KRT73: variants seen among roughly 807,000 people sequenced by gnomAD.
KRT73 encodes keratin, type II cytoskeletal 73.
A neutral mutation model predicts 47.2 loss-of-function variants in KRT73; 44 were observed. The observed-to-expected ratio is 0.93, with a 90% CI of 0.73 to 1.20. The LOEUF (loss-of-function observed/expected upper bound fraction) is 1.20. KRT73 is among the 50% of genes most tolerant of loss of function. The pLI is 0.00. For synonymous variants in KRT73, 285 were observed against 291.3 expected (o/e 0.98, Z 0.22); for missense variants, 713 against 704.5 (o/e 1.01, Z -0.14).
chr12:52,629,617 C>T, the KRT73 span, among the ~76,000 whole-genome samples: 33 of 152,222 alleles, frequency 2.2e-4, no homozygotes, highest in African/African-American at 7.7e-4. Flanking sequence ...AAGGTTGGAT[C>T]CTGACCGCAC....
At chr12:52,609,369 G>T (rs1940648856) in intron 7 of KRT73, 88 bp from the exon 8 acceptor site, 2 of 1,108,730 alleles carry the variant, frequency 1.8e-6, no homozygotes, top group Non-Finnish European at 2.8e-6. Context: ...GGGATCCCCA[G>T]CCAGACCAGC....
chr12:52,613,877 A>G, intron 4 of KRT73, 25 bp from the exon 5 acceptor site: 2 of 1,608,214 alleles, frequency 1.2e-6, no homozygotes, highest in Non-Finnish European at 1.7e-6. Context: ...AGGAAGCATG[A>G]AATGCCTTCT....
At position 52,618,367 on chromosome 12, in the gene KRT73, C is replaced by T. The variant is rs1045971477; in HGVS notation, c.158G>A (p.Gly53Asp). 3 of 1,613,992 alleles carry T rather than the reference C, an allele frequency of 1.9e-6. No individual in the cohort carries two copies. Among genetic ancestry groups the T allele is most frequent in the African/African-American group, 2.7e-5 (2 of 75,028 alleles). ...FSSRSLYSLG[G>D]ARSISFNVAS... ...CACATTGAAAGAGATGCTCCGGGCA[C>T]CCCCCAGGCTGTAAAGGCTCCGACT... The change falls in exon 1 of 9, where the codon GGT (glycine) becomes GAT (aspartate). Residue 53 changes from glycine to aspartate, a missense_variant. Physicochemically the swap from Gly to Asp is moderately conservative, Grantham distance 94. Coordinates refer to ENST00000305748, the MANE Select transcript of KRT73 (RefSeq NM_175068.3).
the KRT73 span, among the ~76,000 whole-genome samples, chr12:52,628,470 G>T: frequency 6.6e-6 from 1 of 152,180 alleles, no homozygotes; most frequent in Non-Finnish European, 1.5e-5. Flanking sequence ...CCTTAGAATA[G>T]GTCATAGGAG....
chr12:52,609,411 G>A (rs1027909565), intron 7 of KRT73, 130 bp from the exon 8 acceptor site: 16 of 757,668 alleles, frequency 2.1e-5, no homozygotes, highest in Middle Eastern at 5.0e-4. Flanking sequence ...CTTGCCAGAT[G>A]GCACTGGCTG....
At chr12:52,615,849 G>C (rs750922017) in intron 2 of KRT73, among the ~76,000 whole-genome samples, 2 of 152,150 alleles carry the variant, frequency 1.3e-5, no homozygotes, top group Non-Finnish European at 2.9e-5. Flanking sequence ...GCGGGTGGGT[G>C]GGGGGTGGTT....
intron 7 of KRT73, chr12:52,610,353 AGGCACGAACCACTGCGCCT>A (rs1362453814): frequency 9.0e-6 from 4 of 446,832 alleles, no homozygotes; most frequent in African/African-American, 8.0e-5. Context: ...CTGGGATTAC[AGGCACGAACCACTGCGCCT>A]GGCCATCTGA....
chr12:52,608,051 G>A lies in KRT73; in HGVS notation c.*145C>T. 1.2e-6 allele frequency: 1 copy of A among 802,998 alleles called. No homozygotes were observed. 49.7% of individuals were successfully genotyped at this position (802,998 alleles called of 1,614,324 possible). On this transcript the variant is annotated 3_prime_UTR_variant, in exon 9 of 9. Transcript: ENST00000305748. ...CAACATTAACAAAGACTGAGGCAGA[G>A]AGGTCAAGGAGAAGGAGGAGAGGTC...
At chr12:52,617,147 C>A (rs866191695) in intron 1 of KRT73, among the ~76,000 whole-genome samples, 4 of 152,136 alleles carry the variant, frequency 2.6e-5, no homozygotes, top group South Asian at 2.1e-4. Flanking sequence ...CCATGCTGCA[C>A]GTGCTGTCTC....
At chr12:52,614,345 C>G (rs956377403) in intron 4 of KRT73, 1 of 486,424 alleles carries the variant, frequency 2.1e-6, no homozygotes, top group Non-Finnish European at 3.6e-6. Context: ...CAGTGGGAAC[C>G]CTTTAAGGAC....
upstream of KRT73, among the ~76,000 whole-genome samples, chr12:52,623,222 A>C (rs2120897657): frequency 6.6e-6 from 1 of 152,344 alleles, no homozygotes; most frequent in East Asian, 1.9e-4. Context: ...TAAAAACCTG[A>C]AAGCAGCTAA....
At chr12:52,628,491 A>G in the KRT73 span, among the ~76,000 whole-genome samples, 1 of 152,238 alleles carries the variant, frequency 6.6e-6, no homozygotes, top group African/African-American at 2.4e-5. Context: ...GCCTTGTAAA[A>G]TGAAACAAAA....
In KRT73 at chr12:52,613,596, A is replaced by G. The variant is rs537999306; in HGVS notation, c.984+92T>C. 7.0e-6 allele frequency: 11 copies of G among 1,562,948 alleles called. No homozygotes were observed. In the Admixed American group the frequency reaches 8.8e-5, roughly 13 times the overall value. ...GAGAGTGCTGTGCTCCCAGCAAGCT[A>G]TGGGCCACCACAGTGAGTCATGGGG... On this transcript the variant is annotated intron_variant, in intron 5 of 8. Coordinates refer to ENST00000305748, the MANE Select transcript of KRT73 (RefSeq NM_175068.3).
At chr12:52,619,790 T>C (rs646825), upstream of KRT73, among the ~76,000 whole-genome samples, 10,436 of 151,822 alleles carry the variant, frequency 0.069, 831 homozygotes, top group Admixed American at 0.16. Context: ...GACCCAAGAG[T>C]TTCCCAAATC....
intron 1 of KRT73, among the ~76,000 whole-genome samples, chr12:52,616,845 C>T (rs1360613986): frequency 1.3e-5 from 2 of 152,196 alleles, no homozygotes; most frequent in Admixed American, 6.5e-5. Flanking sequence ...CAGCCAGAGG[C>T]AGATGTTCAG....
At chr12:52,610,526 G>GC in intron 7 of KRT73, 89 bp downstream of exon 7, 2 of 401,428 alleles carry the variant, frequency 5.0e-6, no homozygotes, top group Non-Finnish European at 5.0e-6. Flanking sequence ...TCGCCAGCTC[G>GC]CCGCCCCCTC....
Position 52,611,466 on chromosome 12 carries a change from G to A in KRT73, c.985-137C>T, listed in dbSNP as rs953001753. ...CCCCGCCTCACCATGTCTATCAGCA[G>A]CCTCCCATTAAAGCATTGGGCCATT... On this transcript the variant is annotated intron_variant, in intron 5 of 8. Coordinates refer to ENST00000305748, the MANE Select transcript of KRT73 (RefSeq NM_175068.3). 4.6e-5 allele frequency: 45 copies of A among 972,730 alleles called. 1 individual carries two copies. The Admixed American group carries it at 1.1e-3, about 24-fold the overall frequency. The allele number at this position is 972,730 out of a possible 1,614,324, so 60.3% of individuals were successfully genotyped here. A position where few individuals can be genotyped will look rare whatever the true frequency, so the allele number is the denominator to read the frequency against.
intron 5 of KRT73, 189 bp downstream of exon 5, chr12:52,613,499 G>T: frequency 1.9e-6 from 2 of 1,049,566 alleles, no homozygotes; most frequent in African/African-American, 1.6e-5. Context: ...CTCCAGGGGT[G>T]CTGTTGATCT....
intron 7 of KRT73, 43 bp from the exon 8 acceptor site, chr12:52,609,324 TC>T: frequency 6.4e-7 from 1 of 1,566,842 alleles, no homozygotes; most frequent in Non-Finnish European, 8.8e-7. Flanking sequence ...TCACGTGGAC[TC>T]CCATAGTGGC....
Sources: allele counts gnomAD v4.1 joint callset (sites outside exome capture counted in the v4.1 genomes callset), GRCh38; gene constraint gnomAD v4.1.1; transcripts MANE v1.5; gene names NCBI Gene and HGNC (gene_info 2026-07-23, HGNC 2026-07-21).